The following TCF4 variants were observed in gnomAD, a reference collection of about 807,000 sequenced individuals.
TCF4 encodes transcription factor 4.
A neutral mutation model predicts 82.1 loss-of-function variants in TCF4; 3 were observed. The observed-to-expected ratio is 0.04, with a 90% CI of 0.02 to 0.09. The LOEUF (loss-of-function observed/expected upper bound fraction) is 0.09. Ranked by LOEUF, TCF4 falls within the 10% of genes least tolerant of loss-of-function variation. The pLI is 1.00. For missense variants in TCF4, 518 were observed against 852.7 expected, an observed-to-expected ratio of 0.61 and a Z score of 4.89; for synonymous variants, 276 against 309.6, an observed-to-expected ratio of 0.89 and a Z score of 1.14.
chr18:55,371,003 T>C (rs559309521), intron 6 of TCF4, among the ~76,000 whole-genome samples: 28 of 152,362 alleles, frequency 1.8e-4, no homozygotes, highest in Non-Finnish European at 3.5e-4. Flanking sequence ...AATTGAGACA[T>C]TTCAAGTGAC....
At chr18:55,581,787 C>T (rs919493327) in intron 3 of TCF4, among the ~76,000 whole-genome samples, 20 of 152,048 alleles carry the variant, frequency 1.3e-4, no homozygotes, top group African/African-American at 4.8e-4. Flanking sequence ...CAATACTTTC[C>T]TCTTCCAAAA....
chr18:55,381,137 C>T (rs532929315), intron 6 of TCF4, among the ~76,000 whole-genome samples: 22 of 152,082 alleles, frequency 1.4e-4, no homozygotes, highest in Middle Eastern at 3.4e-3. Context: ...AAGAATAGCA[C>T]GAAATGTCTT....
At chr18:55,592,258 C>G (rs1439416523), upstream of TCF4, among the ~76,000 whole-genome samples, 1 of 152,108 alleles carries the variant, frequency 6.6e-6, no homozygotes, top group Non-Finnish European at 1.5e-5. Context: ...TCAGGCTGGC[C>G]AAAATACCAC....
intron 3 of TCF4, among the ~76,000 whole-genome samples, chr18:55,509,920 A>G (rs2096806582): frequency 6.6e-6 from 1 of 152,218 alleles, no homozygotes; most frequent in South Asian, 2.1e-4. Flanking sequence ...GAGTTGAAAT[A>G]ATAACTTTCT....
intron 3 of TCF4, among the ~76,000 whole-genome samples, chr18:55,465,380 C>T (rs910168795): frequency 3.3e-5 from 5 of 151,366 alleles, no homozygotes; most frequent in Non-Finnish European, 7.4e-5. Flanking sequence ...GATAGAAAAG[C>T]AACAACAACT....
chr18:55,322,105 C>CT (rs1213553765), intron 8 of TCF4: 75,862 of 804,274 alleles, frequency 0.094, 359 homozygotes, highest in African/African-American at 0.13. Context: ...TTTTTTTTTC[C>CT]TTTTTTTTTT....
chr18:55,438,398 C>A (rs2095373731), intron 5 of TCF4, among the ~76,000 whole-genome samples: 1 of 151,888 alleles, frequency 6.6e-6, no homozygotes, highest in African/African-American at 2.4e-5. Flanking sequence ...GGGCAGGGAC[C>A]AAGTCTGACA....
intron 5 of TCF4, 105 bp downstream of exon 5, chr18:55,460,914 T>C (rs2095858012): frequency 7.4e-6 from 7 of 951,982 alleles, no homozygotes; most frequent in Admixed American, 2.0e-5. Context: ...ACTGACTAAA[T>C]ATCCAAGTTT....
At chr18:55,386,563 G>A (rs1176621075) in intron 6 of TCF4, among the ~76,000 whole-genome samples, 1 of 151,966 alleles carries the variant, frequency 6.6e-6, no homozygotes, top group Non-Finnish European at 1.5e-5. Flanking sequence ...ACCTTTCATT[G>A]TTAATTAAGA....
chr18:55,497,726 G>A (rs1380722415), intron 3 of TCF4, among the ~76,000 whole-genome samples: 1 of 152,164 alleles, frequency 6.6e-6, no homozygotes, highest in Non-Finnish European at 1.5e-5. Context: ...CAAGTTAAAT[G>A]TTTTAAAAAC....
intron 2 of TCF4, among the ~76,000 whole-genome samples, chr18:55,623,206 A>C (rs1568503407): frequency 6.6e-6 from 1 of 152,160 alleles, no homozygotes; most frequent in Non-Finnish European, 1.5e-5. Flanking sequence ...TGTGGTCACT[A>C]TGTCAAAATT....
chr18:55,284,712 A>G (rs915027595), intron 8 of TCF4, among the ~76,000 whole-genome samples: 1 of 152,136 alleles, frequency 6.6e-6, no homozygotes, highest in African/African-American at 2.4e-5. Flanking sequence ...AGGCTTTCAG[A>G]CCCTTCAAGA....
At chr18:55,308,733 G>T (rs2071220718) in intron 8 of TCF4, among the ~76,000 whole-genome samples, 1 of 152,102 alleles carries the variant, frequency 6.6e-6, no homozygotes, top group African/African-American at 2.4e-5. Context: ...TTTAAATTCA[G>T]TTGAGATAAG....
At chr18:55,328,203 A>G (rs1307808743) in intron 8 of TCF4, among the ~76,000 whole-genome samples, 1 of 152,196 alleles carries the variant, frequency 6.6e-6, no homozygotes. Flanking sequence ...AAGTAACTGC[A>G]AAAGTCATAA....
At chr18:55,474,116 A>C (rs968843541) in intron 3 of TCF4, among the ~76,000 whole-genome samples, 6 of 152,232 alleles carry the variant, frequency 3.9e-5, no homozygotes, top group African/African-American at 1.2e-4. Flanking sequence ...AGTTGTATAA[A>C]TCTACCTCCA....
At chr18:55,275,033 AG>A (rs935913252) in intron 10 of TCF4, among the ~76,000 whole-genome samples, 154 of 152,278 alleles carry the variant, frequency 1.0e-3, no homozygotes, top group African/African-American at 3.6e-3. Context: ...TATGAGTGGC[AG>A]GCTGGGATGG....
intron 15 of TCF4, among the ~76,000 whole-genome samples, chr18:55,247,753 T>A (rs749663001): frequency 1.3e-5 from 2 of 152,202 alleles, no homozygotes; most frequent in Non-Finnish European, 2.9e-5. Flanking sequence ...TATTTGAAGA[T>A]AGTGATGTTT....
At chr18:55,539,041 C>G (rs181923377) in intron 3 of TCF4, among the ~76,000 whole-genome samples, 1 of 151,376 alleles carries the variant, frequency 6.6e-6, no homozygotes, top group African/African-American at 2.4e-5. Flanking sequence ...CGCACACACA[C>G]TCCATTTAAA....
intron 10 of TCF4, among the ~76,000 whole-genome samples, chr18:55,275,249 C>A (rs1306966223): frequency 7.8e-6 from 1 of 127,458 alleles, no homozygotes; most frequent in Non-Finnish European, 1.6e-5. Context: ...CTGCCCTCTG[C>A]AGTACATCTT....
Sources: allele counts gnomAD v4.1 joint callset (sites outside exome capture counted in the v4.1 genomes callset), GRCh38; gene constraint gnomAD v4.1.1; transcripts MANE v1.5; gene names NCBI Gene and HGNC (gene_info 2026-07-23, HGNC 2026-07-21).